Variants in RANBP3L observed in about 807,000 individuals in gnomAD.
The protein encoded by RANBP3L is ran-binding protein 3-like.
Under a neutral mutation model 67.2 loss-of-function variants are expected in RANBP3L, and 56 were observed. The observed-to-expected ratio is 0.83, with a 90% CI of 0.67 to 1.04. RANBP3L has a LOEUF of 1.04. RANBP3L is among the 50% of genes least tolerant of loss of function. RANBP3L has a pLI of 0.00. For synonymous variants in RANBP3L, 164 were observed against 181.4 expected (o/e 0.90, Z 0.77); for missense variants, 496 against 535.5 (o/e 0.93, Z 0.73).
Position 36,251,495 on chromosome 5 carries a change from C to T in RANBP3L, c.1172G>A (p.Ser391Asn). The change falls in exon 13 of 14, where the codon AGT becomes AAT. Residue 391 changes from serine to asparagine, a missense_variant. Coordinates refer to ENST00000296604, the MANE Select transcript of RANBP3L (RefSeq NM_145000.5). ...YSIKIFLIQASAQDTAYLYAA... is the reference protein window; with the variant it reads ...YSIKIFLIQANAQDTAYLYAA... ...ATACAAATATGCTGTATCTTGGGCA[C>T]TGGCCTGCATGAGGAACATTAAATT... 6.3e-7 allele frequency: 1 copy of T among 1,599,112 alleles called. No individual in the cohort carries two copies. The highest frequency in any genetic ancestry group is 1.3e-5 in the African/African-American group (1 of 74,620).
intron 1 of RANBP3L, among the ~76,000 whole-genome samples, chr5:36,296,170 A>G (rs1752202827): frequency 6.6e-6 from 1 of 152,196 alleles, no homozygotes; most frequent in Non-Finnish European, 1.5e-5. Context: ...TTGAAAGTAC[A>G]GAGCTTTCCT....
In RANBP3L at chr5:36,247,702, G is replaced by A. The variant is rs1281878854; in HGVS notation, c.*1952C>T. 1.3e-5 allele frequency among the ~76,000 whole-genome samples: 2 copies of A among 152,224 alleles called. No individual in the cohort carries two copies. The highest frequency in any genetic ancestry group is 2.9e-5 in the Non-Finnish European group (2 of 68,012). On this transcript the variant is annotated 3_prime_UTR_variant, in exon 14 of 14. Transcript: ENST00000296604. ...AGTTCAAGACCAGCCTGGCCAACAT[G>A]GTGAAACCCCGTCTCTACTAAAAAT... is the stretch of plus-strand genomic sequence containing the variant.
intron 1 of RANBP3L, among the ~76,000 whole-genome samples, chr5:36,291,023 C>A (rs926502022): frequency 6.6e-6 from 1 of 151,294 alleles, no homozygotes; most frequent in Non-Finnish European, 1.5e-5. Flanking sequence ...GGATTACAGG[C>A]GTGAGCCACC....
Position 36,268,458 on chromosome 5 carries a change from ATATT to A in RANBP3L, c.268+928_268+931del, listed in dbSNP as rs914362371. Among the ~76,000 whole-genome samples the A allele has an allele frequency of 6.6e-5, 10 of 152,326 alleles. 1 individual carries two copies. Among genetic ancestry groups the A allele is most frequent in the Admixed American group, 5.2e-4 (8 of 15,304 alleles). On this transcript the variant is annotated intron_variant, in intron 4 of 13. Transcript: ENST00000296604. ...TCCATTCAATTCCATTCAACAGTAA[ATATT>A]TATTTTGTGGTCACCATATGTAAGA...
chr5:36,281,461 T>A (rs78467007), intron 1 of RANBP3L, among the ~76,000 whole-genome samples: 8 of 152,176 alleles, frequency 5.3e-5, no homozygotes, highest in African/African-American at 1.9e-4. Context: ...GCATGAGAGC[T>A]GACTCCAAAT....
At chr5:36,273,677 C>G (rs1422661717) in intron 1 of RANBP3L, among the ~76,000 whole-genome samples, 1 of 152,096 alleles carries the variant, frequency 6.6e-6, no homozygotes, top group African/African-American at 2.4e-5. Context: ...ATTTTTTTAC[C>G]TGACCCAGTA....
chr5:36,276,398 A>C (rs1264553619), intron 1 of RANBP3L, among the ~76,000 whole-genome samples: 1 of 152,190 alleles, frequency 6.6e-6, no homozygotes, highest in Non-Finnish European at 1.5e-5. Flanking sequence ...TTCACATAAA[A>C]TTACAGTATA....
intron 11 of RANBP3L, 82 bp from the exon 12 acceptor site, chr5:36,253,871 TGTA>T (rs1264260668): frequency 2.1e-6 from 3 of 1,400,266 alleles, no homozygotes; most frequent in Non-Finnish European, 2.9e-6. Flanking sequence ...AAATAAATCT[TGTA>T]GTTGTTTTTC....
intron 4 of RANBP3L, among the ~76,000 whole-genome samples, chr5:36,266,232 T>C (rs1417239423): frequency 6.6e-6 from 1 of 152,170 alleles, no homozygotes; most frequent in Non-Finnish European, 1.5e-5. Flanking sequence ...TCCCTGACTT[T>C]TTAATGAGTA....
intron 1 of RANBP3L, among the ~76,000 whole-genome samples, chr5:36,277,434 ATATATATGTGTG>A (rs1408382880): frequency 2.1e-5 from 2 of 96,652 alleles, no homozygotes; most frequent in African/African-American, 7.9e-5. Context: ...ATATATATAT[ATATATATGTGTG>A]TGTGTGTGTG....
chr5:36,258,024 T>C (rs1273092061), intron 8 of RANBP3L, among the ~76,000 whole-genome samples: 1 of 152,196 alleles, frequency 6.6e-6, no homozygotes, highest in African/African-American at 2.4e-5. Flanking sequence ...TAGAAACATA[T>C]ACCAAGGTAT....
intron 7 of RANBP3L, among the ~76,000 whole-genome samples, chr5:36,261,327 G>A (rs943374821): frequency 1.3e-5 from 2 of 152,054 alleles, no homozygotes; most frequent in Admixed American, 6.6e-5. Context: ...TGTTAAAAGT[G>A]TTTTTCATGA....
At position 36,251,307 on chromosome 5, in the gene RANBP3L, A is replaced by G. The variant is rs1579664570; in HGVS notation, c.1354+6T>C. The G allele has an allele frequency of 6.2e-7, 1 of 1,609,692 alleles. No homozygotes were observed. The highest frequency in any genetic ancestry group is 1.1e-5 in the South Asian group (1 of 90,418). The stretch of plus-strand genomic sequence containing the variant: ...CCTCTGAACTAACAAAACAAAAGCT[A>G]TTTACCTGATCCATTTTTAGTGACT... On this transcript the variant is annotated splice_donor_region_variant and intron_variant, in intron 13 of 13. Coordinates refer to ENST00000296604, the MANE Select transcript of RANBP3L (RefSeq NM_145000.5).
intron 11 of RANBP3L, among the ~76,000 whole-genome samples, chr5:36,254,663 T>C (rs1456423408): frequency 6.6e-6 from 1 of 152,032 alleles, no homozygotes; most frequent in African/African-American, 2.4e-5. Flanking sequence ...TTATATCTCT[T>C]AACCATTTCT....
In RANBP3L at chr5:36,301,441, C is replaced by T; in HGVS notation, c.-25G>A. On this transcript the variant is annotated 5_prime_UTR_variant, in exon 1 of 14. Transcript: ENST00000296604. ...TGGTCCTAGCAGTATGGCTGTGACT[C>T]AAGGATCACTAGGGCACCTCCTTCT... 1 of 1,585,510 alleles carries T rather than the reference C, an allele frequency of 6.3e-7. No homozygotes were observed.
intron 1 of RANBP3L, among the ~76,000 whole-genome samples, chr5:36,295,605 T>C (rs1228549524): frequency 6.6e-6 from 1 of 151,880 alleles, no homozygotes; most frequent in Non-Finnish European, 1.5e-5. Flanking sequence ...AGCTCCACCA[T>C]TTTATCTCCT....
intron 4 of RANBP3L, among the ~76,000 whole-genome samples, chr5:36,265,993 A>G (rs6898370): frequency 2.7e-5 from 4 of 149,218 alleles, no homozygotes; most frequent in African/African-American, 1.0e-4. Context: ...AAAAAAAAAA[A>G]AAAAAAAGAT....
At position 36,301,739 on chromosome 5, in the gene RANBP3L, A is replaced by G. The variant is rs1020609432; in HGVS notation, c.-323T>C. On this transcript the variant is annotated 5_prime_UTR_variant, in exon 1 of 14. Transcript: ENST00000296604. ...AAAATTCTACAAATTAACTATTTCTAACAGATTACACTTTTGTCATTTTTA... is the reference window on the plus strand; with the variant it reads ...AAAATTCTACAAATTAACTATTTCTGACAGATTACACTTTTGTCATTTTTA... 3.2e-5 allele frequency: 7 copies of G among 218,678 alleles called. No individual in the cohort carries two copies. The highest frequency in any genetic ancestry group is 5.5e-5 in the Non-Finnish European group (6 of 110,054). 13.5% of individuals were successfully genotyped at this position (218,678 alleles called of 1,614,324 possible). A position where few individuals can be genotyped will look rare whatever the true frequency, so the allele number is the denominator to read the frequency against.
chr5:36,301,535 T>C lies in RANBP3L; in HGVS notation c.-119A>G. On this transcript the variant is annotated 5_prime_UTR_variant, in exon 1 of 14. Transcript: ENST00000296604. ...ACATAGATTCATGCAGATCTTGTCTTTGCATGTACAACATATACTCCTCTA... is the reference window on the plus strand; with the variant it reads ...ACATAGATTCATGCAGATCTTGTCTCTGCATGTACAACATATACTCCTCTA... The C allele has an allele frequency of 1.4e-6, 1 of 696,624 alleles. No homozygotes were observed. Among genetic ancestry groups the C allele is most frequent in the South Asian group, 1.7e-5 (1 of 59,902 alleles). The allele number at this position is 696,624 out of a possible 1,614,324, so 43.2% of individuals were successfully genotyped here.
Sources: allele counts gnomAD v4.1 joint callset (sites outside exome capture counted in the v4.1 genomes callset), GRCh38; gene constraint gnomAD v4.1.1; transcripts MANE v1.5; gene names NCBI Gene and HGNC (gene_info 2026-07-23, HGNC 2026-07-21).